The following LRMDA variants were observed in gnomAD, a reference collection of about 807,000 sequenced individuals.
The protein encoded by LRMDA is leucine-rich melanocyte differentiation-associated protein.
LRMDA carries 18 observed loss-of-function variants against 29.8 expected under a neutral mutation model. That is an observed-to-expected ratio of 0.60 (90% CI 0.42 to 0.90). The LOEUF is 0.90. LRMDA is among the 40% of genes least tolerant of loss of function. The pLI, the probability that LRMDA is intolerant of heterozygous loss-of-function variation, is 0.00. For synonymous variants in LRMDA, 125 were observed against 109.4 expected (o/e 1.14, Z -0.89); for missense variants, 273 against 273.9 (o/e 1.00, Z 0.02).
At chr10:76,299,370 A>G (rs1840451706) in intron 5 of LRMDA, among the ~76,000 whole-genome samples, 1 of 152,162 alleles carries the variant, frequency 6.6e-6, no homozygotes, top group African/African-American at 2.4e-5. Context: ...ATGTGAGACT[A>G]TGCCATTTTA....
At position 75,773,716 on chromosome 10, in the gene LRMDA, T is replaced by G. The variant is rs141913710; in HGVS notation, c.132-262292T>G. Reference sequence around the variant, plus strand: ...TTTACTCTGCCTCCCCTCTTGTCAGTTCCCTCTGGCCTTCTTTATATCTTT... The same window carrying G: ...TTTACTCTGCCTCCCCTCTTGTCAGGTCCCTCTGGCCTTCTTTATATCTTT... On this transcript the variant is annotated intron_variant, in intron 2 of 6. Transcript: ENST00000611255. Among the ~76,000 whole-genome samples the G allele has an allele frequency of 7.8e-4, 119 of 152,282 alleles. 1 individual carries two copies. Among genetic ancestry groups the G allele is most frequent in the Middle Eastern group, 3.4e-3 (1 of 294 alleles).
intron 2 of LRMDA, among the ~76,000 whole-genome samples, chr10:75,816,114 C>T (rs1844054968): frequency 6.6e-6 from 1 of 152,216 alleles, no homozygotes; most frequent in African/African-American, 2.4e-5. Flanking sequence ...TCATCTATCC[C>T]AGATCTCTCT....
chr10:76,304,190 A>T (rs543040117), intron 5 of LRMDA, among the ~76,000 whole-genome samples: 6 of 152,164 alleles, frequency 3.9e-5, no homozygotes, highest in Non-Finnish European at 5.9e-5. Flanking sequence ...GGGTATAACA[A>T]AAAGAAAGCT....
chr10:76,180,925 A>C (rs1245574206), intron 5 of LRMDA, among the ~76,000 whole-genome samples: 1 of 152,162 alleles, frequency 6.6e-6, no homozygotes, highest in Non-Finnish European at 1.5e-5. Context: ...GACAGGCAGT[A>C]TATCAGGACA....
At chr10:76,371,262 T>C (rs1841450794) in intron 6 of LRMDA, among the ~76,000 whole-genome samples, 1 of 152,190 alleles carries the variant, frequency 6.6e-6, no homozygotes, top group Non-Finnish European at 1.5e-5. Flanking sequence ...GAAGATGCCA[T>C]GAAAATTCGA....
chr10:75,667,358 G>A (rs1841835760), intron 2 of LRMDA, among the ~76,000 whole-genome samples: 1 of 152,164 alleles, frequency 6.6e-6, no homozygotes, highest in South Asian at 2.1e-4. Flanking sequence ...AGGCTGGAGT[G>A]CAGTGGCACG....
intron 5 of LRMDA, among the ~76,000 whole-genome samples, chr10:76,082,633 A>G (rs1849066350): frequency 6.6e-6 from 1 of 152,188 alleles, no homozygotes; most frequent in Non-Finnish European, 1.5e-5. Flanking sequence ...GTAAATTAAT[A>G]TAAGAATAAA....
intron 2 of LRMDA, among the ~76,000 whole-genome samples, chr10:75,924,344 T>C (rs370690894): frequency 3.9e-5 from 6 of 152,186 alleles, no homozygotes; most frequent in East Asian, 1.9e-4. Flanking sequence ...CATGGTTTGG[T>C]AGCTTGAATG....
At chr10:75,856,900 T>A (rs1488267992) in intron 2 of LRMDA, among the ~76,000 whole-genome samples, 3 of 152,188 alleles carry the variant, frequency 2.0e-5, no homozygotes, top group Non-Finnish European at 2.9e-5. Flanking sequence ...TTGTCCCTGT[T>A]TGCAGATGAC....
intron 6 of LRMDA, among the ~76,000 whole-genome samples, chr10:76,362,641 A>G (rs1841325880): frequency 1.3e-5 from 2 of 152,146 alleles, no homozygotes. Context: ...AAATGTACCT[A>G]TCATCCAAAT....
chr10:76,554,580 A>G (rs1467539872), intron 6 of LRMDA, among the ~76,000 whole-genome samples: 1 of 152,216 alleles, frequency 6.6e-6, no homozygotes, highest in Non-Finnish European at 1.5e-5. Flanking sequence ...TTCTCTCACC[A>G]GGATGTCTAT....
intron 6 of LRMDA, among the ~76,000 whole-genome samples, chr10:76,542,232 G>A (rs991933390): frequency 5.9e-5 from 9 of 152,206 alleles, no homozygotes; most frequent in African/African-American, 1.7e-4. Flanking sequence ...CATTTACAGA[G>A]ATGTGTGCTA....
intron 5 of LRMDA, among the ~76,000 whole-genome samples, chr10:76,280,831 G>T (rs76029602): frequency 2.0e-5 from 3 of 152,056 alleles, no homozygotes; most frequent in Non-Finnish European, 4.4e-5. Context: ...AAAGGTACTG[G>T]ACTGTGTGCT....
intron 2 of LRMDA, among the ~76,000 whole-genome samples, chr10:75,492,109 C>G (rs1173119474): frequency 6.6e-6 from 1 of 152,168 alleles, no homozygotes; most frequent in Non-Finnish European, 1.5e-5. Flanking sequence ...TGAAATGTCC[C>G]CTTTTTCTTA....
At chr10:75,707,533 C>T (rs991531258) in intron 2 of LRMDA, among the ~76,000 whole-genome samples, 4 of 152,202 alleles carry the variant, frequency 2.6e-5, no homozygotes, top group African/African-American at 9.7e-5. Context: ...AAGCCGGTGA[C>T]CGAGGATGCT....
chr10:76,442,944 C>T (rs144280412), intron 6 of LRMDA, among the ~76,000 whole-genome samples: 4 of 152,256 alleles, frequency 2.6e-5, no homozygotes, highest in African/African-American at 9.6e-5. Flanking sequence ...TGAAGATTTA[C>T]TCCACCTAGG....
chr10:76,438,263 G>A (rs1323315005), intron 6 of LRMDA, among the ~76,000 whole-genome samples: 2 of 152,156 alleles, frequency 1.3e-5, no homozygotes, highest in Non-Finnish European at 2.9e-5. Flanking sequence ...GAGGCTCTCT[G>A]TGTGTTTTAT....
chr10:75,874,629 A>C (rs1845166581), intron 2 of LRMDA, among the ~76,000 whole-genome samples: 1 of 152,208 alleles, frequency 6.6e-6, no homozygotes, highest in Admixed American at 6.5e-5. Flanking sequence ...GGCAGAATTA[A>C]GTTTCAAGAG....
chr10:75,815,407 A>G (rs1342186418), intron 2 of LRMDA, among the ~76,000 whole-genome samples: 5 of 152,322 alleles, frequency 3.3e-5, no homozygotes, highest in African/African-American at 9.6e-5. Context: ...GTACTCACCA[A>G]TATTTCCAGT....
Sources: gnomAD v4.1 joint callset for allele counts (sites outside exome capture counted in the v4.1 genomes callset) on GRCh38, gnomAD v4.1.1 for gene constraint, MANE v1.5 for transcripts, NCBI Gene and HGNC (gene_info 2026-07-23, HGNC 2026-07-21) for gene names.